CDH13: variants seen among roughly 807,000 people sequenced by gnomAD.
CDH13 encodes cadherin 13.
In CDH13, 24 loss-of-function variants were observed where a neutral mutation model predicts 63.8. The ratio of observed to expected loss-of-function variants is 0.38; its 90% CI spans 0.27 to 0.53. The LOEUF (loss-of-function observed/expected upper bound fraction) is 0.53. Ranked by LOEUF, CDH13 falls within the 20% of genes least tolerant of loss-of-function variation. The pLI, the probability that CDH13 is intolerant of heterozygous loss-of-function variation, is 0.85. For synonymous variants in CDH13, 503 were observed against 355.3 expected, an observed-to-expected ratio of 1.42 and a Z score of -4.67; for missense variants, 1,049 against 903.1, an observed-to-expected ratio of 1.16 and a Z score of -2.07.
chr16:83,004,839 T>C (rs1324900197), intron 2 of CDH13, among the ~76,000 whole-genome samples: 1 of 152,188 alleles, frequency 6.6e-6, no homozygotes, highest in Non-Finnish European at 1.5e-5. Context: ...CATCTCACAT[T>C]ATGTCTCCAG....
intron 2 of CDH13, among the ~76,000 whole-genome samples, chr16:82,947,290 C>G (rs1264368803): frequency 1.3e-5 from 2 of 152,102 alleles, no homozygotes; most frequent in South Asian, 2.1e-4. Flanking sequence ...TTTATTCTGT[C>G]TATCTACTTA....
intron 2 of CDH13, among the ~76,000 whole-genome samples, chr16:82,983,453 C>A (rs1352815293): frequency 4.6e-5 from 7 of 152,104 alleles, no homozygotes; most frequent in Non-Finnish European, 1.0e-4. Flanking sequence ...AGGGTCAAGA[C>A]CTGATGGTGA....
chr16:82,950,239 T>C (rs1905153712), intron 2 of CDH13, among the ~76,000 whole-genome samples: 1 of 152,120 alleles, frequency 6.6e-6, no homozygotes, highest in Non-Finnish European at 1.5e-5. Context: ...TGGCATTCCT[T>C]AGCTTATAGC....
At chr16:82,928,564 T>C (rs2042379902) in intron 2 of CDH13, among the ~76,000 whole-genome samples, 1 of 152,244 alleles carries the variant, frequency 6.6e-6, no homozygotes, top group African/African-American at 2.4e-5. Context: ...TATTCTACTG[T>C]TGTTTTCATT....
chr16:82,883,559 C>G (rs902864233), intron 2 of CDH13, among the ~76,000 whole-genome samples: 1 of 152,188 alleles, frequency 6.6e-6, no homozygotes, highest in Non-Finnish European at 1.5e-5. Context: ...CAAACCCATG[C>G]TTTGTCTCCT....
chr16:83,056,575 C>T (rs926994376), intron 3 of CDH13, among the ~76,000 whole-genome samples: 1 of 152,108 alleles, frequency 6.6e-6, no homozygotes, highest in African/African-American at 2.4e-5. Flanking sequence ...AAATGAAGTT[C>T]AACAGCAGGC....
At chr16:82,728,517 G>A (rs910948856) in intron 1 of CDH13, among the ~76,000 whole-genome samples, 1 of 152,034 alleles carries the variant, frequency 6.6e-6, no homozygotes, top group Admixed American at 6.6e-5. Context: ...GTTTGAAATA[G>A]TATTATGTCT....
chr16:83,334,081 T>A (rs2151905843), intron 5 of CDH13, among the ~76,000 whole-genome samples: 1 of 152,172 alleles, frequency 6.6e-6, no homozygotes, highest in Admixed American at 6.5e-5. Context: ...GCCACGCACA[T>A]TCCTGGCCTC....
intron 2 of CDH13, among the ~76,000 whole-genome samples, chr16:82,999,159 T>A (rs1912582902): frequency 6.6e-6 from 1 of 152,206 alleles, no homozygotes; most frequent in South Asian, 2.1e-4. Flanking sequence ...TCCTCTTATC[T>A]ATGTACCTTG....
chr16:83,511,117 C>CAG (rs1270708868), intron 7 of CDH13, among the ~76,000 whole-genome samples: 4 of 150,550 alleles, frequency 2.7e-5, no homozygotes, highest in Non-Finnish European at 4.4e-5. Flanking sequence ...CGCATGCACA[C>CAG]ACATGCACAT....
At chr16:83,000,576 T>G (rs532732391) in intron 2 of CDH13, among the ~76,000 whole-genome samples, 1 of 112,908 alleles carries the variant, frequency 8.9e-6, no homozygotes, top group Admixed American at 8.2e-5. Flanking sequence ...TCTTTTCTCT[T>G]TTTTTTTTTT....
chr16:83,186,892 G>A (rs1380149045), intron 4 of CDH13, among the ~76,000 whole-genome samples: 1 of 152,164 alleles, frequency 6.6e-6, no homozygotes, highest in Non-Finnish European at 1.5e-5. Context: ...CCCCTGTGAA[G>A]GTGGTGAAGG....
intron 2 of CDH13, among the ~76,000 whole-genome samples, chr16:82,968,800 A>C (rs1309125570): frequency 6.6e-6 from 1 of 152,176 alleles, no homozygotes; most frequent in East Asian, 1.9e-4. Flanking sequence ...GCCTTTCACA[A>C]ATGGGTTTTT....
chr16:83,569,968 C>T (rs1031892140), intron 7 of CDH13, among the ~76,000 whole-genome samples: 2 of 152,162 alleles, frequency 1.3e-5, no homozygotes, highest in African/African-American at 2.4e-5. Flanking sequence ...AACTCCTGAC[C>T]TCGTGATCTT....
At chr16:83,453,697 CA>C (rs1474045769) in intron 6 of CDH13, among the ~76,000 whole-genome samples, 6 of 152,068 alleles carry the variant, frequency 3.9e-5, no homozygotes, top group African/African-American at 1.4e-4. Context: ...TGTATGTGGG[CA>C]ATGTTCTCTG....
At chr16:82,788,410 G>A (rs2036128180) in intron 1 of CDH13, among the ~76,000 whole-genome samples, 1 of 152,160 alleles carries the variant, frequency 6.6e-6, no homozygotes, top group African/African-American at 2.4e-5. Flanking sequence ...TGGTCCACGT[G>A]ACTCTTAACA....
At chr16:82,782,300 G>A (rs754468162) in intron 1 of CDH13, among the ~76,000 whole-genome samples, 4 of 152,202 alleles carry the variant, frequency 2.6e-5, no homozygotes, top group African/African-American at 7.2e-5. Context: ...AATGGCTCAC[G>A]CCTGTAATCC....
chr16:83,547,341 G>A (rs554130632), intron 7 of CDH13, among the ~76,000 whole-genome samples: 2 of 152,338 alleles, frequency 1.3e-5, no homozygotes, highest in South Asian at 4.1e-4. Flanking sequence ...AGAGGTACAT[G>A]TGCAAATTTG....
chr16:83,247,155 A>G (rs1905066704), intron 5 of CDH13, among the ~76,000 whole-genome samples: 1 of 152,168 alleles, frequency 6.6e-6, no homozygotes, highest in African/African-American at 2.4e-5. Flanking sequence ...GGGAGGTGGG[A>G]AGAACCAGTT....
Sources: allele counts gnomAD v4.1 joint callset (sites outside exome capture counted in the v4.1 genomes callset), GRCh38; gene constraint gnomAD v4.1.1; transcripts MANE v1.5; gene names NCBI Gene and HGNC (gene_info 2026-07-23, HGNC 2026-07-21).